Variants in ARHGEF16 observed in about 807,000 individuals in gnomAD.
ARHGEF16 encodes the protein Rho guanine nucleotide exchange factor 16, also known as Rho guanine exchange factor (GEF) 16.
In ARHGEF16, 59 loss-of-function variants were observed where a neutral mutation model predicts 74.1. The ratio of observed to expected loss-of-function variants is 0.80; its 90% CI spans 0.65 to 0.99. The LOEUF is 0.99. Ranked by LOEUF, ARHGEF16 falls within the 50% of genes least tolerant of loss-of-function variation. The probability of loss-of-function intolerance (pLI) is 0.00; values close to 1 mark genes in which losing one functional copy is unlikely to be tolerated. For missense variants in ARHGEF16, 948 were observed against 986.6 expected, an observed-to-expected ratio of 0.96 and a Z score of 0.52; for synonymous variants, 415 against 412.6, an observed-to-expected ratio of 1.01 and a Z score of -0.07.
rs576803627 is a variant in ARHGEF16, at chr1:3,462,099, G to A, written c.-19-967G>A. ...CAGGAGGGGCGGGCAGGAGTGTGGC[G>A]GGGGCGGGGCAGCCCACGGGGTGTG... On this transcript the variant is annotated intron_variant, in intron 1 of 14. Transcript: ENST00000378378. Among the ~76,000 whole-genome samples, 1,245 of 152,106 alleles carry A rather than the reference G, an allele frequency of 8.2e-3. 21 individuals carry two copies. The highest frequency in any genetic ancestry group is 0.029 in the African/African-American group (1,194 of 41,498).
chr1:3,477,873 A>G lies in ARHGEF16; in HGVS notation c.1474-2A>G, dbSNP rs1334091289. On this transcript the variant is annotated splice_acceptor_variant, in intron 10 of 14. Coordinates refer to ENST00000378378, the MANE Select transcript of ARHGEF16 (RefSeq NM_014448.4). LOFTEE classifies it high-confidence loss of function. Reference sequence around the variant, plus strand: ...CTCCGCCTCCCGGCTCTGTCCCCCCAGTCCCTCCCACTGATCTCTGCCTCC... The same window carrying G: ...CTCCGCCTCCCGGCTCTGTCCCCCCGGTCCCTCCCACTGATCTCTGCCTCC... The G allele has an allele frequency of 1.3e-6, 2 of 1,594,896 alleles. No individual in the cohort carries two copies. The highest frequency in any genetic ancestry group is 1.7e-6 in the Non-Finnish European group (2 of 1,167,946).
chr1:3,479,412 C>T (rs1305065177), intron 12 of ARHGEF16, 105 bp from the exon 13 acceptor site: 3 of 1,132,898 alleles, frequency 2.6e-6, no homozygotes, highest in Non-Finnish European at 2.4e-6. Flanking sequence ...CCCCACCACC[C>T]CCATCTCCTT....
At chr1:3,468,488 C>T (rs1639610551) in intron 4 of ARHGEF16, 1 of 234,436 alleles carries the variant, frequency 4.3e-6, no homozygotes, top group African/African-American at 2.3e-5. Flanking sequence ...TGACTCGCCT[C>T]GCCCAGGTGG....
At chr1:3,468,195 G>C (rs1052957621) in intron 4 of ARHGEF16, among the ~76,000 whole-genome samples, 10 of 152,178 alleles carry the variant, frequency 6.6e-5, no homozygotes, top group Non-Finnish European at 1.2e-4. Context: ...CAGAGTTTCC[G>C]ACCCTGCATG....
chr1:3,478,677 T>C, intron 12 of ARHGEF16, 65 bp downstream of exon 12: 3 of 1,504,394 alleles, frequency 2.0e-6, no homozygotes, highest in Non-Finnish European at 1.8e-6. Context: ...GGGACCGGGT[T>C]GTCCCCCTGC....
At chr1:3,465,831 T>A (rs773292100) in intron 2 of ARHGEF16, among the ~76,000 whole-genome samples, 19 of 152,270 alleles carry the variant, frequency 1.2e-4, no homozygotes, top group Non-Finnish European at 1.2e-4. Context: ...TGCCCCACTG[T>A]CCCTTCACAG....
chr1:3,466,279 A>C, intron 3 of ARHGEF16, 86 bp downstream of exon 3: 1 of 1,408,350 alleles, frequency 7.1e-7, no homozygotes, highest in South Asian at 1.4e-5. Flanking sequence ...GGTGGGCCTC[A>C]GTTTGGTGTC....
At chr1:3,478,203 CA>C in intron 11 of ARHGEF16, 177 bp downstream of exon 11, 1 of 983,658 alleles carries the variant, frequency 1.0e-6, no homozygotes, top group Non-Finnish European at 1.5e-6. Context: ...GCTCGCTGTG[CA>C]GCCTCTGACC....
chr1:3,460,201 C>T (rs565555519), intron 1 of ARHGEF16, among the ~76,000 whole-genome samples: 1 of 152,318 alleles, frequency 6.6e-6, no homozygotes, highest in East Asian at 1.9e-4. Context: ...GCGGAGGTCA[C>T]ACCCAGCAAT....
intron 6 of ARHGEF16, 146 bp downstream of exon 6, chr1:3,469,739 G>A (rs909133529): frequency 8.5e-7 from 1 of 1,174,296 alleles, no homozygotes; most frequent in Non-Finnish European, 1.2e-6. Flanking sequence ...GGCTCCCGCG[G>A]AGTGTGATGA....
At chr1:3,476,086 C>A (rs1310617126) in intron 10 of ARHGEF16, 24 bp downstream of exon 10, 2 of 1,545,012 alleles carry the variant, frequency 1.3e-6, no homozygotes, top group Admixed American at 2.0e-5. Flanking sequence ...GACATCAGGG[C>A]CACTCGGACC....
intron 6 of ARHGEF16, among the ~76,000 whole-genome samples, chr1:3,470,364 A>ATG (rs1049961047): frequency 2.6e-5 from 3 of 117,136 alleles, no homozygotes; most frequent in Admixed American, 8.2e-5. Context: ...GTGGGCAGGT[A>ATG]TGTGTGTGTG....
rs376620856 is a variant in ARHGEF16 at position 3,480,577 on chromosome 1, C to T, written c.2120C>T (p.Thr707Met). ...AGGATGGAGCGTCTGCGGGTGGAGA[C>T]GGACGTGTAGCCCTGGCGAGGCCAG... ...VRRMERLRVE[T>M]DV The change falls in exon 15 of 15, where the codon ACG (threonine) becomes ATG (methionine). Residue 707 changes from threonine (T) to methionine (M), a missense_variant. Coordinates refer to ENST00000378378, the MANE Select transcript of ARHGEF16 (RefSeq NM_014448.4). 31 of 1,607,396 alleles carry T rather than the reference C, an allele frequency of 1.9e-5. No homozygotes were observed. Among genetic ancestry groups the T allele is most frequent in the Admixed American group, 8.3e-5 (5 of 59,984 alleles).
At chr1:3,457,484 G>A (rs1488525214) in intron 1 of ARHGEF16, among the ~76,000 whole-genome samples, 3 of 152,244 alleles carry the variant, frequency 2.0e-5, no homozygotes, top group Non-Finnish European at 4.4e-5. Context: ...AGCCCAAGGC[G>A]CTGGCTGGGA....
intron 4 of ARHGEF16, 36 bp from the exon 5 acceptor site, chr1:3,468,844 G>A (rs1157667523): frequency 2.6e-6 from 4 of 1,549,136 alleles, no homozygotes; most frequent in African/African-American, 2.7e-5. Context: ...CTTCTAGGAC[G>A]TGTGACCGAG....
chr1:3,454,990 G>T (rs1341622976), intron 1 of ARHGEF16, among the ~76,000 whole-genome samples, 179 bp downstream of exon 1: 1 of 152,088 alleles, frequency 6.6e-6, no homozygotes, highest in Non-Finnish European at 1.5e-5. Context: ...GGGCTCCGCC[G>T]GGGCGGGAGA....
intron 8 of ARHGEF16, chr1:3,474,207 C>T (rs577104591): frequency 2.1e-4 from 42 of 199,796 alleles, no homozygotes; most frequent in African/African-American, 5.8e-4. Context: ...CACATGCACC[C>T]GGTGCACACA....
chr1:3,459,954 C>G (rs963651510), intron 1 of ARHGEF16, among the ~76,000 whole-genome samples: 1 of 152,196 alleles, frequency 6.6e-6, no homozygotes, highest in East Asian at 1.9e-4. Flanking sequence ...CAGTGGCCTC[C>G]GGGGATCAGG....
Position 3,474,719 on chromosome 1 carries a change from C to G in ARHGEF16, c.1317C>G (p.Leu439=). 6.2e-7 allele frequency: 1 copy of G among 1,612,868 alleles called. No homozygotes were observed. The highest frequency in any genetic ancestry group is 8.5e-7 in the Non-Finnish European group (1 of 1,179,948). Residue 439 remains leucine, a synonymous_variant, in exon 9 of 15, where the codon CTC becomes CTG. Transcript: ENST00000378378. Reference sequence around the variant, plus strand: ...TGTTGTCCATCCAGACGCTCTGCCTCAAGACCCAGGGCCACTCCGAAAGGT... The same window carrying G: ...TGTTGTCCATCCAGACGCTCTGCCTGAAGACCCAGGGCCACTCCGAAAGGT... ...RLPLLMDTLC[L]KTQGHSERYK...
Sources: allele counts gnomAD v4.1 joint callset (sites outside exome capture counted in the v4.1 genomes callset), GRCh38; gene constraint gnomAD v4.1.1; transcripts MANE v1.5; gene names NCBI Gene and HGNC (gene_info 2026-07-23, HGNC 2026-07-21).